The following PCDH15 variants were observed in gnomAD, a reference collection of about 807,000 sequenced individuals.
PCDH15 encodes protocadherin related 15.
In PCDH15, 129 loss-of-function variants were observed where a neutral mutation model predicts 178.5. That is an observed-to-expected ratio of 0.72 (90% CI 0.63 to 0.84). The LOEUF (loss-of-function observed/expected upper bound fraction) is 0.84. PCDH15 is among the 40% of genes least tolerant of loss of function. The pLI is 0.00. For missense variants in PCDH15, 2,230 were observed against 2,099.9 expected, an observed-to-expected ratio of 1.06 and a Z score of -1.21; for synonymous variants, 800 against 732.0, an observed-to-expected ratio of 1.09 and a Z score of -1.50.
intron 9 of PCDH15, among the ~76,000 whole-genome samples, chr10:54,228,862 T>C (rs2053750899): frequency 6.6e-6 from 1 of 152,216 alleles, no homozygotes; most frequent in African/African-American, 2.4e-5. Context: ...AATAATGTTT[T>C]ACCAGCTCTT....
chr10:54,891,714 C>T lies in PCDH15; in HGVS notation c.-29+5736G>A, dbSNP rs143466764. Among the ~76,000 whole-genome samples the T allele has an allele frequency of 3.3e-3, 497 of 152,258 alleles. 4 individuals carry two copies. Among genetic ancestry groups the T allele is most frequent in the Non-Finnish European group, 4.6e-3 (311 of 68,016 alleles). ...CTTTATTAGCAGTCATTAGTTCTTA[C>T]GTGTTATACACATCATCTTAGCAGA... is the stretch of plus-strand genomic sequence containing the variant. On this transcript the variant is annotated intron_variant, in intron 3 of 5. Transcript: ENST00000458638.
chr10:53,972,767 T>C lies in PCDH15; in HGVS notation c.2869-10875A>G, dbSNP rs571947374. On this transcript the variant is annotated intron_variant, in intron 21 of 37. Transcript: ENST00000644397. Reference sequence around the variant, plus strand: ...TACCATCTCACACCAGTTAGAATGGTGATCATTAAAAAGTCAGGAAACAAC... The same window carrying C: ...TACCATCTCACACCAGTTAGAATGGCGATCATTAAAAAGTCAGGAAACAAC... 2.2e-3 allele frequency among the ~76,000 whole-genome samples: 340 copies of C among 152,164 alleles called. 2 individuals are homozygous for C. Among genetic ancestry groups the C allele is most frequent in the African/African-American group, 7.6e-3 (316 of 41,530 alleles).
chr10:55,023,212 G>T (rs1231363761), intron 2 of PCDH15, among the ~76,000 whole-genome samples: 2 of 152,196 alleles, frequency 1.3e-5, no homozygotes, highest in African/African-American at 2.4e-5. Context: ...AAAGTGCTGG[G>T]ATTACAGGCA....
intron 7 of PCDH15, among the ~76,000 whole-genome samples, chr10:54,318,315 AC>A: frequency 6.6e-6 from 1 of 152,252 alleles, no homozygotes; most frequent in Admixed American, 6.5e-5. Context: ...ATTAGTAAAC[AC>A]ATCTGGTCTG....
rs1385173160 is a variant in PCDH15 at position 54,320,112 on chromosome 10, G to C, written c.706-2671C>G. Among the ~76,000 whole-genome samples, 3 of 151,990 alleles carry C rather than the reference G, an allele frequency of 2.0e-5. No homozygotes were observed. The East Asian group carries it at 5.8e-4, about 29-fold the overall frequency. Reference sequence around the variant, plus strand: ...ACTATAAAGATTATTCAAACCTAAAGACATTTGAGATTCAACAAACAGAAA... The same window carrying C: ...ACTATAAAGATTATTCAAACCTAAACACATTTGAGATTCAACAAACAGAAA... On this transcript the variant is annotated intron_variant, in intron 7 of 37. Coordinates refer to ENST00000644397, the MANE Select transcript of PCDH15 (RefSeq NM_001384140.1).
chr10:54,589,431 C>T (rs975424767), intron 2 of PCDH15, among the ~76,000 whole-genome samples: 1 of 152,214 alleles, frequency 6.6e-6, no homozygotes, highest in African/African-American at 2.4e-5. Context: ...TTTTCCTATA[C>T]TCTCTCTGAA....
At chr10:55,478,570 C>T (rs1401580681) in intron 2 of PCDH15, among the ~76,000 whole-genome samples, 1 of 150,898 alleles carries the variant, frequency 6.6e-6, no homozygotes, top group Non-Finnish European at 1.5e-5. Context: ...ACTAAAGGAG[C>T]TAATGTTGTA....
At chr10:55,559,572 T>A (rs1842153433) in intron 2 of PCDH15, among the ~76,000 whole-genome samples, 2 of 152,106 alleles carry the variant, frequency 1.3e-5, no homozygotes, top group South Asian at 4.1e-4. Flanking sequence ...TAAAGATAGT[T>A]AATAGGTTTG....
chr10:54,655,189 C>CT (rs1339472776), intron 2 of PCDH15, among the ~76,000 whole-genome samples: 2 of 144,118 alleles, frequency 1.4e-5, no homozygotes, highest in Admixed American at 7.2e-5. Context: ...CCAGCCTGGG[C>CT]ACAGAGCGAG....
chr10:54,457,587 A>T (rs1335362647), intron 3 of PCDH15, among the ~76,000 whole-genome samples: 1 of 151,836 alleles, frequency 6.6e-6, no homozygotes, highest in Non-Finnish European at 1.5e-5. Flanking sequence ...GTAAAATTTT[A>T]TTTTTTTTCT....
intron 2 of PCDH15, among the ~76,000 whole-genome samples, chr10:55,376,612 T>C (rs1243901573): frequency 2.6e-5 from 4 of 152,106 alleles, no homozygotes; most frequent in Admixed American, 2.6e-4. Flanking sequence ...CATATAAATA[T>C]GGCCCTTTAA....
At chr10:55,530,660 T>C (rs1841430943) in intron 2 of PCDH15, among the ~76,000 whole-genome samples, 1 of 152,056 alleles carries the variant, frequency 6.6e-6, no homozygotes, top group African/African-American at 2.4e-5. Flanking sequence ...TTCCCCATGA[T>C]AAATATAAAC....
At chr10:54,510,935 T>C (rs2081594369) in intron 3 of PCDH15, among the ~76,000 whole-genome samples, 1 of 152,154 alleles carries the variant, frequency 6.6e-6, no homozygotes, top group Admixed American at 6.6e-5. Flanking sequence ...AGAAGTGGAA[T>C]GAACATCGAC....
intron 1 of PCDH15, among the ~76,000 whole-genome samples, chr10:54,727,473 C>G (rs1942737276): frequency 6.7e-6 from 1 of 149,978 alleles, no homozygotes; most frequent in African/African-American, 2.5e-5. Flanking sequence ...GTTTCTAGCA[C>G]TAACTGCCCA....
chr10:54,243,438 C>T (rs543000467), intron 8 of PCDH15, among the ~76,000 whole-genome samples: 12 of 152,058 alleles, frequency 7.9e-5, no homozygotes, highest in African/African-American at 2.4e-4. Flanking sequence ...ACCTGGGAGG[C>T]GGAGCTTGCA....
intron 1 of PCDH15, among the ~76,000 whole-genome samples, chr10:55,239,948 A>T (rs187747790): frequency 4.3e-4 from 66 of 152,310 alleles, no homozygotes; most frequent in African/African-American, 1.5e-3. Flanking sequence ...ATATCAAAAA[A>T]ATTCTAATCA....
intron 2 of PCDH15, among the ~76,000 whole-genome samples, chr10:55,104,522 C>T (rs957282953): frequency 1.3e-5 from 2 of 152,138 alleles, no homozygotes; most frequent in African/African-American, 4.8e-5. Flanking sequence ...CCTGCATCCA[C>T]ATAAAAGATG....
chr10:54,278,772 T>C (rs1351778855), intron 8 of PCDH15, among the ~76,000 whole-genome samples: 1 of 151,564 alleles, frequency 6.6e-6, no homozygotes, highest in South Asian at 2.1e-4. Context: ...ACATGCTATA[T>C]GTATACATTT....
chr10:55,108,411 A>G (rs1461668013), intron 2 of PCDH15, among the ~76,000 whole-genome samples: 1 of 152,184 alleles, frequency 6.6e-6, no homozygotes, highest in East Asian at 1.9e-4. Context: ...TTGTGTAGGA[A>G]GTAGAAAATA....
Sources: allele counts gnomAD v4.1 joint callset (sites outside exome capture counted in the v4.1 genomes callset), GRCh38; gene constraint gnomAD v4.1.1; transcripts MANE v1.5; gene names NCBI Gene and HGNC (gene_info 2026-07-23, HGNC 2026-07-21).